CTNNA3: variants seen among roughly 807,000 people sequenced by gnomAD.
CTNNA3 encodes catenin alpha-3.
Under a neutral mutation model 95.7 loss-of-function variants are expected in CTNNA3, and 76 were observed. The observed-to-expected ratio is 0.79, with a 90% confidence interval of 0.66 to 0.96. The LOEUF (loss-of-function observed/expected upper bound fraction) is 0.96. Ranked by LOEUF, CTNNA3 falls within the 40% of genes least tolerant of loss-of-function variation. The pLI, the probability that CTNNA3 is intolerant of heterozygous loss-of-function variation, is 0.00. For synonymous variants in CTNNA3, 431 were observed against 374.4 expected (o/e 1.15, Z -1.74); for missense variants, 1,191 against 1,089.8 (o/e 1.09, Z -1.31).
At chr10:65,978,036 A>G (rs977217479) in intron 16 of CTNNA3, among the ~76,000 whole-genome samples, 1 of 151,922 alleles carries the variant, frequency 6.6e-6, no homozygotes, top group African/African-American at 2.4e-5. Flanking sequence ...ACAGATCATC[A>G]ATGATCTCAT....
intron 12 of CTNNA3, among the ~76,000 whole-genome samples, chr10:66,285,192 T>C (rs915514103): frequency 6.6e-6 from 1 of 151,870 alleles, no homozygotes; most frequent in South Asian, 2.1e-4. Flanking sequence ...CTTTCAAGAA[T>C]ATCTGGAATA....
At chr10:67,723,772 T>C (rs1841193087) in intron 1 of CTNNA3, among the ~76,000 whole-genome samples, 1 of 152,112 alleles carries the variant, frequency 6.6e-6, no homozygotes, top group Non-Finnish European at 1.5e-5. Context: ...GTCACGACTG[T>C]GAAGGATAGT....
intron 6 of CTNNA3, among the ~76,000 whole-genome samples, chr10:67,185,562 A>T (rs577489614): frequency 6.6e-6 from 1 of 152,290 alleles, no homozygotes; most frequent in South Asian, 2.1e-4. Context: ...TTTACCCAGT[A>T]GATATTATTT....
rs574762398 is a variant in CTNNA3, at chr10:66,974,195, GT to G, written c.1048-198672del. 2.6e-5 allele frequency among the ~76,000 whole-genome samples: 4 copies of G among 152,198 alleles called. No individual in the cohort carries two copies. In the South Asian group the frequency reaches 8.3e-4, roughly 32 times the overall value. ...ATACGAATGAAATCATTCAATGTAG[GT>G]TTTTGTTTCTTGCTTTCTTTTGCTC... On this transcript the variant is annotated intron_variant, in intron 7 of 17. Coordinates refer to ENST00000433211, the MANE Select transcript of CTNNA3 (RefSeq NM_013266.4).
chr10:67,340,317 T>A (rs1444344705), intron 5 of CTNNA3, among the ~76,000 whole-genome samples: 1 of 152,052 alleles, frequency 6.6e-6, no homozygotes, highest in African/African-American at 2.4e-5. Context: ...GTTAAAATCT[T>A]CTCAAATTTA....
At chr10:67,023,413 T>G (rs1348126638) in intron 7 of CTNNA3, among the ~76,000 whole-genome samples, 5 of 152,072 alleles carry the variant, frequency 3.3e-5, no homozygotes, top group Non-Finnish European at 7.4e-5. Context: ...CAGCAATAAT[T>G]CCAACCCCTG....
At chr10:67,017,683 T>G (rs1230188199) in intron 7 of CTNNA3, among the ~76,000 whole-genome samples, 1 of 152,034 alleles carries the variant, frequency 6.6e-6, no homozygotes, top group African/African-American at 2.4e-5. Flanking sequence ...AGTTAGTAGG[T>G]TAATCAAAAA....
At chr10:67,752,683 T>C (rs556457034) in intron 1 of CTNNA3, among the ~76,000 whole-genome samples, 8 of 151,908 alleles carry the variant, frequency 5.3e-5, no homozygotes, top group Non-Finnish European at 1.0e-4. Context: ...ACACCAACAA[T>C]AGACAAACAG....
At chr10:67,675,297 G>C (rs1041275144) in intron 1 of CTNNA3, among the ~76,000 whole-genome samples, 1 of 152,016 alleles carries the variant, frequency 6.6e-6, no homozygotes, top group East Asian at 1.9e-4. Context: ...CTACCACTGA[G>C]GTTTAGAACT....
intron 11 of CTNNA3, among the ~76,000 whole-genome samples, chr10:66,464,372 T>C (rs1292500708): frequency 6.6e-6 from 1 of 152,138 alleles, no homozygotes; most frequent in Non-Finnish European, 1.5e-5. Flanking sequence ...CTTGCTTCTT[T>C]CTGTGAGTCT....
chr10:67,638,210 A>T (rs1839392991), intron 2 of CTNNA3, among the ~76,000 whole-genome samples: 1 of 152,206 alleles, frequency 6.6e-6, no homozygotes, highest in Admixed American at 6.5e-5. Context: ...CAGGGGTTGC[A>T]ATCCTAGTCT....
intron 15 of CTNNA3, among the ~76,000 whole-genome samples, chr10:66,040,012 G>C (rs1348866576): frequency 6.6e-6 from 1 of 152,026 alleles, no homozygotes; most frequent in South Asian, 2.1e-4. Context: ...AGGAACTTAA[G>C]CAAATCTACA....
At chr10:67,088,998 C>T (rs891057699) in intron 7 of CTNNA3, among the ~76,000 whole-genome samples, 2 of 151,844 alleles carry the variant, frequency 1.3e-5, no homozygotes, top group East Asian at 1.9e-4. Flanking sequence ...ATAGAATATA[C>T]ATTGTATTAG....
chr10:66,617,644 C>T (rs1844571204), intron 10 of CTNNA3, among the ~76,000 whole-genome samples: 1 of 152,116 alleles, frequency 6.6e-6, no homozygotes. Flanking sequence ...CCTTTGAAAA[C>T]TGGCACAAGA....
chr10:66,596,328 G>C (rs753165558), intron 10 of CTNNA3, among the ~76,000 whole-genome samples: 3 of 152,000 alleles, frequency 2.0e-5, no homozygotes, highest in South Asian at 2.1e-4. Flanking sequence ...CAACTAAAAT[G>C]GTTAGAGCCC....
intron 5 of CTNNA3, among the ~76,000 whole-genome samples, chr10:67,488,341 T>G (rs1848525036): frequency 6.6e-6 from 1 of 152,182 alleles, no homozygotes; most frequent in Non-Finnish European, 1.5e-5. Flanking sequence ...GGCAAGACTC[T>G]ATGGGTCAGA....
At chr10:66,614,574 T>C (rs1414564685) in intron 10 of CTNNA3, among the ~76,000 whole-genome samples, 1 of 151,972 alleles carries the variant, frequency 6.6e-6, no homozygotes, top group Non-Finnish European at 1.5e-5. Flanking sequence ...ACACACTCAA[T>C]ATATATCTCT....
chr10:66,564,396 G>T (rs920417608), intron 10 of CTNNA3, among the ~76,000 whole-genome samples: 2 of 152,152 alleles, frequency 1.3e-5, no homozygotes, highest in Non-Finnish European at 2.9e-5. Flanking sequence ...CTATGGTCTA[G>T]ATGGCTACTC....
intron 11 of CTNNA3, among the ~76,000 whole-genome samples, chr10:66,483,672 G>A (rs1470566729): frequency 1.3e-5 from 2 of 152,036 alleles, no homozygotes; most frequent in African/African-American, 4.8e-5. Flanking sequence ...CATGGACACT[G>A]GTTTATTGGA....
Sources: gnomAD v4.1 joint callset for allele counts (sites outside exome capture counted in the v4.1 genomes callset) on GRCh38, gnomAD v4.1.1 for gene constraint, MANE v1.5 for transcripts, NCBI Gene and HGNC (gene_info 2026-07-23, HGNC 2026-07-21) for gene names.